FREM1: variants seen among roughly 807,000 people sequenced by gnomAD.
FREM1 encodes the protein FRAS1 related extracellular matrix 1, also known as FRAS1-related extracellular matrix protein 1.
Under a neutral mutation model 210.1 loss-of-function variants are expected in FREM1, and 220 were observed. That is an observed-to-expected ratio of 1.05 (90% CI 0.94 to 1.17). The LOEUF is 1.17. Ranked by LOEUF, FREM1 falls within the 50% of genes most tolerant of loss-of-function variation. The pLI, the probability that FREM1 is intolerant of heterozygous loss-of-function variation, is 0.00. For missense variants in FREM1, 3,454 were observed against 2,675.5 expected (o/e 1.29, Z -6.42); for synonymous variants, 1,189 against 980.2 (o/e 1.21, Z -3.98).
chr9:14,884,978 G>C (rs998831870), intron 1 of FREM1, among the ~76,000 whole-genome samples: 1 of 123,730 alleles, frequency 8.1e-6, no homozygotes, highest in Non-Finnish European at 1.6e-5. Flanking sequence ...AGGCTGGAGT[G>C]CAGTGGTGCG....
intron 1 of FREM1, among the ~76,000 whole-genome samples, chr9:14,873,100 T>C (rs558595289): frequency 0.01 from 1,575 of 152,328 alleles, 34 homozygotes; most frequent in African/African-American, 0.036. Flanking sequence ...TTTGTATCAA[T>C]GTTCATCAAG....
At chr9:14,801,908 C>A in intron 19 of FREM1, 34 bp from the exon 20 acceptor site, 7 of 1,461,972 alleles carry the variant, frequency 4.8e-6, no homozygotes, top group South Asian at 1.2e-5. Flanking sequence ...GTCAACAATG[C>A]ATAAAAGACA....
intron 1 of FREM1, among the ~76,000 whole-genome samples, chr9:14,875,444 C>A (rs1421583662): frequency 6.6e-6 from 1 of 152,214 alleles, no homozygotes; most frequent in African/African-American, 2.4e-5. Context: ...ATCACTGATA[C>A]CCTTTCTTCC....
At chr9:14,772,309 A>C (rs1235598692) in intron 25 of FREM1, among the ~76,000 whole-genome samples, 1 of 152,166 alleles carries the variant, frequency 6.6e-6, no homozygotes, top group Non-Finnish European at 1.5e-5. Context: ...AAAGTCCACC[A>C]GGGGATTTAT....
intron 21 of FREM1, among the ~76,000 whole-genome samples, chr9:14,796,232 T>G (rs1852356757): frequency 6.6e-6 from 1 of 152,078 alleles, no homozygotes. Flanking sequence ...GGGGTTTGGG[T>G]GCTTTCAGTA....
rs1819647881 is a variant in FREM1, at chr9:14,812,859, A to C, written c.2846T>G (p.Phe949Cys). 1 of 1,613,776 alleles carries C rather than the reference A, an allele frequency of 6.2e-7. No individual in the cohort carries two copies. Among genetic ancestry groups the C allele is most frequent in the Non-Finnish European group, 8.5e-7 (1 of 1,179,776 alleles). The change falls in exon 16 of 37, where the codon TTC becomes TGC. Residue 949 changes from phenylalanine (F) to cysteine (C), a missense_variant. Phe to Cys is a radical substitution (Grantham distance 205). Coordinates refer to ENST00000380880, the MANE Select transcript of FREM1 (RefSeq NM_001379081.2). ...VRRAGVTVDQ[F>C]SQRDVISEAV... is the part of the protein sequence containing the mutation. ...CTCTGAGATAACATCTCTCTGAGAG[A>C]ACTGATCCACTGTGACTCCAGCTCT...
Position 14,841,439 on chromosome 9 carries a change from T to C in FREM1, c.1881+8A>G. 1 of 1,592,488 alleles carries C rather than the reference T, an allele frequency of 6.3e-7. No individual in the cohort carries two copies. The highest frequency in any genetic ancestry group is 1.1e-5 in the South Asian group (1 of 87,546). On this transcript the variant is annotated splice_region_variant and intron_variant, in intron 10 of 36. Coordinates refer to ENST00000380880, the MANE Select transcript of FREM1 (RefSeq NM_001379081.2). ...ACTTTGGGAAAGTGTTCAGAAACAG[T>C]CTCTTACCTGTGGCACTGAAAGATT...
chr9:14,777,108 T>A (rs954757258), intron 24 of FREM1, among the ~76,000 whole-genome samples: 1 of 152,100 alleles, frequency 6.6e-6, no homozygotes, highest in East Asian at 1.9e-4. Context: ...CACAAAAGAG[T>A]TGTGGTGCCT....
At chr9:14,752,809 C>G (rs1044419085) in intron 29 of FREM1, among the ~76,000 whole-genome samples, 4 of 152,114 alleles carry the variant, frequency 2.6e-5, no homozygotes, top group Admixed American at 6.5e-5. Context: ...CCAACCGACT[C>G]TCTGATTTTA....
chr9:14,776,976 A>G (rs1451736080), intron 24 of FREM1, among the ~76,000 whole-genome samples: 1 of 152,244 alleles, frequency 6.6e-6, no homozygotes, highest in African/African-American at 2.4e-5. Flanking sequence ...AAAGGTTCAC[A>G]AAGTTGGTGG....
intron 13 of FREM1, 58 bp from the exon 14 acceptor site, chr9:14,819,500 G>T: frequency 9.6e-7 from 1 of 1,042,250 alleles, no homozygotes; most frequent in South Asian, 1.4e-5. Flanking sequence ...CCTGAAGACA[G>T]AGCTCATTAC....
rs753426655 is a variant in FREM1 at position 14,859,182 on chromosome 9, C to T, written c.631+1G>A. The T allele has an allele frequency of 2.8e-5, 44 of 1,569,062 alleles. No homozygotes were observed. Among genetic ancestry groups the T allele is most frequent in the South Asian group, 3.6e-5 (3 of 83,626 alleles). ...CAGAAAGGCATTAAAAGACATCATACGGGACTCTGGGAAAAAACTGTGTGG... is the reference window on the plus strand; with the variant it reads ...CAGAAAGGCATTAAAAGACATCATATGGGACTCTGGGAAAAAACTGTGTGG... On this transcript the variant is annotated splice_donor_variant, in intron 4 of 36. Coordinates refer to ENST00000380880, the MANE Select transcript of FREM1 (RefSeq NM_001379081.2). LOFTEE classifies it high-confidence loss of function.
At chr9:14,803,125 C>T (rs1314810416) in intron 19 of FREM1, among the ~76,000 whole-genome samples, 1 of 122,490 alleles carries the variant, frequency 8.2e-6, no homozygotes, top group African/African-American at 3.0e-5. Context: ...TCCCTCTTTT[C>T]CTTTCCCTTT....
chr9:14,893,717 G>C (rs544317336), intron 1 of FREM1, among the ~76,000 whole-genome samples: 121 of 152,168 alleles, frequency 8.0e-4, no homozygotes, highest in South Asian at 1.7e-3. Context: ...AAAGTAAAAT[G>C]TGTTTTTGGT....
chr9:14,885,927 G>A (rs180796869), intron 1 of FREM1, among the ~76,000 whole-genome samples: 13 of 152,186 alleles, frequency 8.5e-5, no homozygotes, highest in Admixed American at 4.6e-4. Flanking sequence ...TAGTCATGTT[G>A]TACAATACAT....
intron 27 of FREM1, among the ~76,000 whole-genome samples, chr9:14,761,100 G>C (rs940646644): frequency 8.6e-5 from 13 of 151,968 alleles, no homozygotes; most frequent in Non-Finnish European, 1.6e-4. Flanking sequence ...TAGAAATTCT[G>C]GGTGCCACCA....
intron 1 of FREM1, among the ~76,000 whole-genome samples, chr9:14,888,993 G>A (rs1836306802): frequency 6.6e-6 from 1 of 152,000 alleles, no homozygotes; most frequent in Non-Finnish European, 1.5e-5. Flanking sequence ...TCTATTGTAA[G>A]CATTTTCTGT....
chr9:14,868,433 C>T (rs1460487573), intron 2 of FREM1, among the ~76,000 whole-genome samples: 1 of 152,194 alleles, frequency 6.6e-6, no homozygotes, highest in African/African-American at 2.4e-5. Flanking sequence ...AAATTACATG[C>T]ATCCATATTA....
Position 14,797,519 on chromosome 9 carries a change from T to A in FREM1, c.3818A>T (p.Asp1273Val). Residue 1273 changes from aspartate (D) to valine (V), a missense_variant, in exon 21 of 37, where the codon GAT becomes GTT. Coordinates refer to ENST00000380880, the MANE Select transcript of FREM1 (RefSeq NM_001379081.2). ...TTACTTGCTCAGCATTGGTTTTTCA[T>A]CATTAACTGGGATGACCTCTACTGA... ...TISVEVIPVNDEKPMLSKKAE... is the reference protein window; with the variant it reads ...TISVEVIPVNVEKPMLSKKAE... 1 of 1,609,768 alleles carries A rather than the reference T, an allele frequency of 6.2e-7. No individual in the cohort carries two copies. The highest frequency in any genetic ancestry group is 8.5e-7 in the Non-Finnish European group (1 of 1,177,988).
Sources: gnomAD v4.1 joint callset for allele counts (sites outside exome capture counted in the v4.1 genomes callset) on GRCh38, gnomAD v4.1.1 for gene constraint, MANE v1.5 for transcripts, NCBI Gene and HGNC (gene_info 2026-07-23, HGNC 2026-07-21) for gene names.